TLR5: variants seen among roughly 807,000 people sequenced by gnomAD.
TLR5 encodes toll like receptor 5.
For missense variants in TLR5, 944 were observed against 999.8 expected (o/e 0.94, Z 0.75); for synonymous variants, 373 against 384.4 (o/e 0.97, Z 0.35).
At chr1:223,124,311 T>C (rs541437708) in intron 5 of TLR5, among the ~76,000 whole-genome samples, 1 of 152,026 alleles carries the variant, frequency 6.6e-6, no homozygotes, top group East Asian at 1.9e-4. Flanking sequence ...TGTGTGGTGG[T>C]GGGTGCCTGT....
rs547723824 is a variant in TLR5, at chr1:223,112,865, T to C, written c.167A>G (p.Asn56Ser). The change falls in exon 6 of 6, where the codon AAC becomes AGC. Residue 56 changes from asparagine (N) to serine (S), a missense_variant. Coordinates refer to ENST00000642603, the MANE Select transcript of TLR5 (RefSeq NM_003268.6). ...NTTERLLLSF[N>S]YIRTVTASSF... is the part of the protein sequence containing the mutation. ...TGAAGCAGTGACTGTCCTGATATAGTTGAAGCTCAGCAGGAGCCTCTCAGT... is the reference window on the plus strand; with the variant it reads ...TGAAGCAGTGACTGTCCTGATATAGCTGAAGCTCAGCAGGAGCCTCTCAGT... The C allele has an allele frequency of 5.0e-6, 8 of 1,614,032 alleles. No homozygotes were observed. Among genetic ancestry groups the C allele is most frequent in the East Asian group, 4.5e-5 (2 of 44,862 alleles).
At chr1:223,116,036 G>A (rs145075890) in intron 5 of TLR5, among the ~76,000 whole-genome samples, 6 of 152,282 alleles carry the variant, frequency 3.9e-5, no homozygotes, top group Admixed American at 6.5e-5. Context: ...TTTCCCCAGC[G>A]AGACTTCTCC....
intron 2 of TLR5, among the ~76,000 whole-genome samples, chr1:223,141,196 A>T (rs1657822705): frequency 6.6e-6 from 1 of 152,208 alleles, no homozygotes; most frequent in Admixed American, 6.5e-5. Flanking sequence ...TTTTGCTTTC[A>T]ACACTCAGCA....
rs5744164 is a variant in TLR5, at chr1:223,113,041, G to C, written c.-4-6C>G. Reference sequence around the variant, plus strand: ...CCAGGTGGTCTCCCATGATCCTATGGAGAAGAAGGGAGAATGAAAACACAG... The same window carrying C: ...CCAGGTGGTCTCCCATGATCCTATGCAGAAGAAGGGAGAATGAAAACACAG... On this transcript the variant is annotated splice_polypyrimidine_tract_variant and splice_region_variant and intron_variant, in intron 5 of 5. Coordinates refer to ENST00000642603, the MANE Select transcript of TLR5 (RefSeq NM_003268.6). 1.2e-4 allele frequency: 194 copies of C among 1,613,966 alleles called. No homozygotes were observed. The African/African-American group carries it at 2.1e-3, about 18-fold the overall frequency.
chr1:223,120,383 A>C (rs1656900966), intron 5 of TLR5, among the ~76,000 whole-genome samples: 1 of 152,148 alleles, frequency 6.6e-6, no homozygotes, highest in Non-Finnish European at 1.5e-5. Context: ...CTTTCAATCC[A>C]CCTATGACCT....
chr1:223,110,243 G>C lies in TLR5; in HGVS notation c.*212C>G. On this transcript the variant is annotated 3_prime_UTR_variant, in exon 6 of 6. Transcript: ENST00000642603. ...CAATGGAGACTGGAAACCTCTAAGG[G>C]CAGTTGCAATTTTCTAGATCTATTA... The C allele has an allele frequency of 1.7e-6, 1 of 596,156 alleles. No individual in the cohort carries two copies. The highest frequency in any genetic ancestry group is 2.9e-6 in the Non-Finnish European group (1 of 339,940). The allele number at this position is 596,156 out of a possible 1,614,324, so 36.9% of individuals were successfully genotyped here.
rs1476571879 is a variant in TLR5, at chr1:223,110,049, G to A, written c.*406C>T. 1 of 208,268 alleles carries A rather than the reference G, an allele frequency of 4.8e-6. No individual in the cohort carries two copies. The highest frequency in any genetic ancestry group is 2.4e-5 in the African/African-American group (1 of 42,304). The allele number at this position is 208,268 out of a possible 1,614,324, so 12.9% of individuals were successfully genotyped here. A position where few individuals can be genotyped will look rare whatever the true frequency, so the allele number is the denominator to read the frequency against. ...TTTGTTTTCTACTTAATGTTGTTTT[G>A]CAGAACACAGAGAACGCAGAATCAT... is the stretch of plus-strand genomic sequence containing the variant. On this transcript the variant is annotated 3_prime_UTR_variant, in exon 6 of 6. Transcript: ENST00000642603.
rs1657847366 is a variant in TLR5, at chr1:223,141,722, G to A, written c.-513C>T. The stretch of plus-strand genomic sequence containing the variant: ...CTGGAGGCAGTGGTTGCAGTCAGCC[G>A]AGATTGTGTCACTGCAGTCCAGCCT... On this transcript the variant is annotated 5_prime_UTR_variant, in exon 2 of 6. Transcript: ENST00000642603. 1 of 149,598 alleles carries A rather than the reference G, an allele frequency of 6.7e-6. No homozygotes were observed. Among genetic ancestry groups the A allele is most frequent in the Non-Finnish European group, 1.5e-5 (1 of 67,586 alleles). 9.3% of individuals were successfully genotyped at this position (149,598 alleles called of 1,614,324 possible). A position where few individuals can be genotyped will look rare whatever the true frequency, so the allele number is the denominator to read the frequency against.
intron 5 of TLR5, among the ~76,000 whole-genome samples, chr1:223,120,505 T>C (rs1656909476): frequency 6.6e-6 from 1 of 152,224 alleles, no homozygotes; most frequent in Admixed American, 6.5e-5. Context: ...AGCTGTAGCC[T>C]GAACACCTTA....
chr1:223,130,226 C>G (rs921603923), intron 5 of TLR5, among the ~76,000 whole-genome samples: 3 of 152,168 alleles, frequency 2.0e-5, no homozygotes, highest in Non-Finnish European at 4.4e-5. Context: ...TGCAGACCAC[C>G]TACTAAACCT....
chr1:223,116,946 C>G (rs1360505404), intron 5 of TLR5, among the ~76,000 whole-genome samples: 3 of 152,198 alleles, frequency 2.0e-5, no homozygotes, highest in Admixed American at 2.0e-4. Flanking sequence ...GCCCGCCAGT[C>G]CCACCCCATG....
intron 5 of TLR5, among the ~76,000 whole-genome samples, chr1:223,119,471 T>C (rs1240066147): frequency 2.6e-5 from 4 of 151,970 alleles, no homozygotes; most frequent in Non-Finnish European, 4.4e-5. Flanking sequence ...AACTGACTGA[T>C]GCACCCCTCT....
rs1286663231 is a variant in TLR5, at chr1:223,112,151, T to G, written c.881A>C (p.Asp294Ala). The G allele has an allele frequency of 3.7e-6, 6 of 1,614,096 alleles. No homozygotes were observed. Among genetic ancestry groups the G allele is most frequent in the Non-Finnish European group, 5.1e-6 (6 of 1,180,048 alleles). The change falls in exon 6 of 6, where the codon GAT becomes GCT. Residue 294 changes from aspartate to alanine, a missense_variant. Coordinates refer to ENST00000642603, the MANE Select transcript of TLR5 (RefSeq NM_003268.6). Reference sequence around the variant, plus strand: ...GGAGAAGACAAACCCATGTGAAAGATCCAGGTGTCTCACTGAACTTCTGGC... The same window carrying G: ...GGAGAAGACAAACCCATGTGAAAGAGCCAGGTGTCTCACTGAACTTCTGGC... Reference protein sequence around the residue: ...GLARSSVRHLDLSHGFVFSLN... With the variant: ...GLARSSVRHLALSHGFVFSLN...
intron 2 of TLR5, among the ~76,000 whole-genome samples, chr1:223,140,660 G>C (rs1657802985): frequency 6.6e-6 from 1 of 151,964 alleles, no homozygotes; most frequent in Non-Finnish European, 1.5e-5. Flanking sequence ...AATTTGAATT[G>C]GCTCTGGGCA....
At chr1:223,124,671 C>T (rs1657095465) in intron 5 of TLR5, among the ~76,000 whole-genome samples, 1 of 152,080 alleles carries the variant, frequency 6.6e-6, no homozygotes, top group African/African-American at 2.4e-5. Flanking sequence ...GGAATGCAAT[C>T]CAGCTCACTG....
At chr1:223,139,272 A>G (rs1311398202) in intron 2 of TLR5, among the ~76,000 whole-genome samples, 2 of 152,142 alleles carry the variant, frequency 1.3e-5, no homozygotes, top group African/African-American at 2.4e-5. Context: ...CTACCATCCA[A>G]TGCTTATTGG....
Position 223,111,322 on chromosome 1 carries a change from T to C in TLR5, c.1710A>G (p.Ser570=), listed in dbSNP as rs553874087. 6.2e-7 allele frequency: 1 copy of C among 1,614,164 alleles called. No homozygotes were observed. The highest frequency in any genetic ancestry group is 2.2e-5 in the East Asian group (1 of 44,882). The change falls in exon 6 of 6, where the codon TCA becomes TCG. Residue 570 remains serine, a synonymous_variant. Transcript: ENST00000642603. The part of the protein sequence containing the change: ...LLAPNPDVFV[S]LSVLDITHNK... Reference sequence around the variant, plus strand: ...TATGAGTTATATCCAAGACACTAAGTGATACAAATACATCAGGATTAGGAG... The same window carrying C: ...TATGAGTTATATCCAAGACACTAAGCGATACAAATACATCAGGATTAGGAG...
intron 5 of TLR5, 39 bp from the exon 6 acceptor site, chr1:223,113,074 A>C: frequency 6.2e-7 from 1 of 1,603,174 alleles, no homozygotes; most frequent in Non-Finnish European, 8.5e-7. Context: ...CAGGCATTTA[A>C]GCTCGAGGTA....
chr1:223,141,810 TATATATATATATAG>T (rs1188773781), intron 1 of TLR5, 47 bp from the exon 2 acceptor site: 1,099 of 70,598 alleles, frequency 0.016, 4 homozygotes, highest in Non-Finnish European at 0.018. Flanking sequence ...TATATATATA[TATATATATATATAG>T]AGAGAGAGAG....
Sources: allele counts gnomAD v4.1 joint callset (sites outside exome capture counted in the v4.1 genomes callset), GRCh38; gene constraint gnomAD v4.1.1; transcripts MANE v1.5; gene names NCBI Gene and HGNC (gene_info 2026-07-23, HGNC 2026-07-21).